The following SULF1 variants were observed in gnomAD, a reference collection of about 807,000 sequenced individuals.
SULF1 encodes sulfatase 1.
A neutral mutation model predicts 110.5 loss-of-function variants in SULF1; 46 were observed. That is an observed-to-expected ratio of 0.42 (90% CI 0.33 to 0.53). The LOEUF is 0.53. Among genes scored for constraint, SULF1 ranks in the 20% least tolerant of loss-of-function variants. SULF1 has a pLI of 0.12. For synonymous variants in SULF1, 371 were observed against 387.1 expected, an observed-to-expected ratio of 0.96 and a Z score of 0.49; for missense variants, 941 against 1,094.2, an observed-to-expected ratio of 0.86 and a Z score of 1.98.
At chr8:69,484,063 G>C (rs759280863) in intron 1 of SULF1, among the ~76,000 whole-genome samples, 7 of 152,148 alleles carry the variant, frequency 4.6e-5, no homozygotes, top group Non-Finnish European at 7.4e-5. Flanking sequence ...ACTTGCAGGG[G>C]CCAAGGTTGG....
chr8:69,533,029 C>A (rs1233957822), intron 3 of SULF1, among the ~76,000 whole-genome samples: 1 of 152,134 alleles, frequency 6.6e-6, no homozygotes, highest in Non-Finnish European at 1.5e-5. Context: ...CCAAGTATGG[C>A]CACATGATCA....
intron 5 of SULF1, among the ~76,000 whole-genome samples, chr8:69,569,524 G>A (rs1233108003): frequency 6.6e-6 from 1 of 152,156 alleles, no homozygotes; most frequent in African/African-American, 2.4e-5. Flanking sequence ...AATAACTTAT[G>A]CCAAGGTGCA....
intron 3 of SULF1, among the ~76,000 whole-genome samples, chr8:69,556,197 A>G (rs996622096): frequency 6.6e-6 from 1 of 152,166 alleles, no homozygotes; most frequent in Non-Finnish European, 1.5e-5. Context: ...GAAATGGGGT[A>G]CTAGTGAAAT....
chr8:69,512,859 CT>C (rs1563484261), intron 3 of SULF1, among the ~76,000 whole-genome samples: 2 of 152,180 alleles, frequency 1.3e-5, no homozygotes. Flanking sequence ...CCAGAATACC[CT>C]TGTGCCACAC....
intron 1 of SULF1, among the ~76,000 whole-genome samples, chr8:69,483,875 T>C (rs1253886028): frequency 6.6e-6 from 1 of 152,264 alleles, no homozygotes; most frequent in Non-Finnish European, 1.5e-5. Context: ...TAATGTTATA[T>C]GTAACAATAA....
At chr8:69,629,787 G>A (rs895298203) in intron 19 of SULF1, 108 bp downstream of exon 19, 38 of 1,020,742 alleles carry the variant, frequency 3.7e-5, no homozygotes, top group Middle Eastern at 6.6e-4. Context: ...AGATTCAAGA[G>A]AAAGGCATCA....
At chr8:69,476,245 T>G (rs1462520665) in intron 1 of SULF1, among the ~76,000 whole-genome samples, 3 of 152,182 alleles carry the variant, frequency 2.0e-5, no homozygotes, top group African/African-American at 7.2e-5. Flanking sequence ...ATCCTTAATT[T>G]TATGATTTGG....
At chr8:69,502,861 T>C (rs1656085113) in intron 3 of SULF1, among the ~76,000 whole-genome samples, 1 of 151,920 alleles carries the variant, frequency 6.6e-6, no homozygotes, top group Admixed American at 6.6e-5. Context: ...CTAATTTTTG[T>C]ATTTTAGCAG....
intron 4 of SULF1, 107 bp downstream of exon 4, chr8:69,563,718 G>C: frequency 2.5e-6 from 1 of 392,288 alleles, no homozygotes; most frequent in South Asian, 4.7e-5. Flanking sequence ...AAGGACAAAA[G>C]TGAATTTGCA....
chr8:69,639,211 AC>A (rs1388020174), intron 21 of SULF1, among the ~76,000 whole-genome samples: 4 of 152,202 alleles, frequency 2.6e-5, no homozygotes, highest in Non-Finnish European at 5.9e-5. Context: ...CTCTGAGTAA[AC>A]CAGGATATTC....
intron 3 of SULF1, among the ~76,000 whole-genome samples, chr8:69,525,049 A>C (rs1812565680): frequency 6.6e-6 from 1 of 152,216 alleles, no homozygotes; most frequent in East Asian, 1.9e-4. Flanking sequence ...AAGATCATTC[A>C]GAAGTGAACT....
chr8:69,593,186 G>A (rs1807034061), intron 8 of SULF1, among the ~76,000 whole-genome samples: 1 of 152,180 alleles, frequency 6.6e-6, no homozygotes, highest in Non-Finnish European at 1.5e-5. Context: ...GGGGCTGGAA[G>A]GAGTGAGTGT....
intron 3 of SULF1, among the ~76,000 whole-genome samples, chr8:69,534,759 C>T (rs1813324437): frequency 6.6e-6 from 1 of 151,850 alleles, no homozygotes; most frequent in Admixed American, 6.6e-5. Context: ...AATTTATGAG[C>T]TTATGAAATT....
intron 3 of SULF1, among the ~76,000 whole-genome samples, chr8:69,556,094 G>A (rs1350302606): frequency 6.6e-6 from 1 of 152,148 alleles, no homozygotes; most frequent in Non-Finnish European, 1.5e-5. Flanking sequence ...GTCTGTGTGT[G>A]GGTATATATA....
intron 16 of SULF1, among the ~76,000 whole-genome samples, 181 bp downstream of exon 16, chr8:69,627,487 A>G (rs527808312): frequency 2.0e-4 from 30 of 152,362 alleles, no homozygotes; most frequent in African/African-American, 7.2e-4. Flanking sequence ...TGAAAACAAT[A>G]TAGAGTATGA....
chr8:69,660,374 T>G lies in SULF1; in HGVS notation c.*1839T>G, dbSNP rs1478503342. On this transcript the variant is annotated 3_prime_UTR_variant, in exon 23 of 23. Transcript: ENST00000402687. ...GTAAGACCTTCACCAAGTTCTGATA[T>G]CTTTTAAAGACATAGTTCAAAATTG... 2 of 152,388 alleles carry G rather than the reference T, an allele frequency of 1.3e-5. No individual in the cohort carries two copies. The highest frequency in any genetic ancestry group is 1.3e-4 in the Admixed American group (2 of 15,282). 9.4% of individuals were successfully genotyped at this position (152,388 alleles called of 1,614,324 possible).
chr8:69,623,792 A>G (rs563859466), intron 14 of SULF1, 150 bp from the exon 15 acceptor site: 311 of 849,814 alleles, frequency 3.7e-4, no homozygotes, highest in Non-Finnish European at 5.2e-4. Context: ...AACCTCTGCT[A>G]CCGTGAATTG....
chr8:69,611,577 T>C (rs1377089113), intron 13 of SULF1, among the ~76,000 whole-genome samples: 1 of 152,188 alleles, frequency 6.6e-6, no homozygotes. Flanking sequence ...GTGAATATGG[T>C]CTTTGTATAT....
At chr8:69,487,934 C>T (rs1040241509), upstream of SULF1, among the ~76,000 whole-genome samples, 9 of 152,090 alleles carry the variant, frequency 5.9e-5, no homozygotes, top group African/African-American at 1.9e-4. Flanking sequence ...TATGTCCTGG[C>T]AATGATTTGT....
Sources: gnomAD v4.1 joint callset for allele counts (sites outside exome capture counted in the v4.1 genomes callset) on GRCh38, gnomAD v4.1.1 for gene constraint, MANE v1.5 for transcripts, NCBI Gene and HGNC (gene_info 2026-07-23, HGNC 2026-07-21) for gene names.